Variants in DGKI observed in about 807,000 individuals in gnomAD.
DGKI encodes the protein diacylglycerol kinase iota, also known as DAG kinase iota.
In DGKI, 55 loss-of-function variants were observed where a neutral mutation model predicts 147.5. That is an observed-to-expected ratio of 0.37 (90% confidence interval 0.30 to 0.47). The LOEUF is 0.47. DGKI is among the 20% of genes least tolerant of loss of function. The probability of loss-of-function intolerance (pLI) is 1.00; values close to 1 mark genes in which losing one functional copy is unlikely to be tolerated. For missense variants in DGKI, 1,007 were observed against 1,323.8 expected (o/e 0.76, Z 3.71); for synonymous variants, 469 against 477.1 (o/e 0.98, Z 0.22).
intron 19 of DGKI, among the ~76,000 whole-genome samples, chr7:137,569,382 A>C (rs1203003565): frequency 6.6e-6 from 1 of 152,042 alleles, no homozygotes; most frequent in Non-Finnish European, 1.5e-5. Context: ...CCACGTATGG[A>C]CAGTTTAGAG....
At chr7:137,520,410 T>A (rs558242346) in intron 21 of DGKI, among the ~76,000 whole-genome samples, 2 of 152,226 alleles carry the variant, frequency 1.3e-5, no homozygotes, top group East Asian at 3.9e-4. Flanking sequence ...CAAAAATATA[T>A]GTCTAACACT....
At chr7:137,450,784 T>A (rs1025201411) in intron 27 of DGKI, among the ~76,000 whole-genome samples, 2 of 151,114 alleles carry the variant, frequency 1.3e-5, no homozygotes, top group African/African-American at 4.8e-5. Flanking sequence ...CATATCTTTA[T>A]ATATACACAT....
At chr7:137,702,360 T>A (rs2116517339) in intron 1 of DGKI, among the ~76,000 whole-genome samples, 1 of 152,254 alleles carries the variant, frequency 6.6e-6, no homozygotes, top group East Asian at 1.9e-4. Context: ...CAAGCAATAC[T>A]TCTACTTACT....
At chr7:137,395,275 G>A (rs184412152) in intron 32 of DGKI, among the ~76,000 whole-genome samples, 23 of 152,266 alleles carry the variant, frequency 1.5e-4, no homozygotes, top group African/African-American at 5.5e-4. Flanking sequence ...CTTTGAAAAT[G>A]GTCCTGACCC....
intron 14 of DGKI, among the ~76,000 whole-genome samples, chr7:137,584,715 A>G (rs561572742): frequency 6.6e-6 from 1 of 152,322 alleles, no homozygotes; most frequent in South Asian, 2.1e-4. Context: ...TTTTTTTTTA[A>G]ATAACATGAA....
At chr7:137,747,448 A>G (rs1460772211) in intron 1 of DGKI, among the ~76,000 whole-genome samples, 3 of 152,176 alleles carry the variant, frequency 2.0e-5, no homozygotes, top group Non-Finnish European at 4.4e-5. Flanking sequence ...TACCCTCTCC[A>G]TAGGGCATAA....
At chr7:137,657,458 A>G (rs1300715518) in intron 3 of DGKI, among the ~76,000 whole-genome samples, 1 of 152,250 alleles carries the variant, frequency 6.6e-6, no homozygotes. Context: ...TAAAAAATGG[A>G]CTGCATGGAG....
chr7:137,556,774 A>T (rs569863573), intron 19 of DGKI, among the ~76,000 whole-genome samples: 2 of 152,246 alleles, frequency 1.3e-5, no homozygotes, highest in Non-Finnish European at 2.9e-5. Context: ...ATGTAATTCA[A>T]ATTAAAATAA....
intron 1 of DGKI, among the ~76,000 whole-genome samples, chr7:137,796,018 A>G (rs571295947): frequency 6.6e-6 from 1 of 152,338 alleles, no homozygotes; most frequent in Non-Finnish European, 1.5e-5. Context: ...AACAAAAACA[A>G]AAAGTAAGGA....
intron 21 of DGKI, among the ~76,000 whole-genome samples, chr7:137,519,407 T>A (rs1279932156): frequency 6.6e-6 from 1 of 152,038 alleles, no homozygotes; most frequent in East Asian, 1.9e-4. Flanking sequence ...AGATATCACT[T>A]GGCACACCAT....
chr7:137,493,925 A>G (rs2128939096), intron 21 of DGKI: 1 of 598,568 alleles, frequency 1.7e-6, no homozygotes, highest in Non-Finnish European at 3.0e-6. Flanking sequence ...CAAAAATTCT[A>G]AAGAATACAA....
intron 28 of DGKI, among the ~76,000 whole-genome samples, chr7:137,427,561 T>G (rs1426049311): frequency 6.6e-6 from 1 of 151,904 alleles, no homozygotes; most frequent in African/African-American, 2.4e-5. Flanking sequence ...AGAGTAGAAC[T>G]GAAGGAAATA....
intron 1 of DGKI, among the ~76,000 whole-genome samples, chr7:137,824,636 G>A (rs1798004017): frequency 6.6e-6 from 1 of 151,994 alleles, no homozygotes; most frequent in African/African-American, 2.4e-5. Context: ...CAAGCGGTTG[G>A]TTGTACAGAT....
chr7:137,742,002 G>A (rs1325551247), intron 1 of DGKI, among the ~76,000 whole-genome samples: 1 of 152,150 alleles, frequency 6.6e-6, no homozygotes, highest in Non-Finnish European at 1.5e-5. Flanking sequence ...GAAAAGTTAT[G>A]AGTACACAGC....
chr7:137,513,755 A>G (rs1816657399), intron 21 of DGKI: 1 of 501,902 alleles, frequency 2.0e-6, no homozygotes, highest in Non-Finnish European at 3.8e-6. Flanking sequence ...ACACAATGGC[A>G]TTTGGGTATC....
intron 2 of DGKI, 54 bp downstream of exon 2, chr7:137,689,840 A>G: frequency 1.6e-6 from 2 of 1,228,982 alleles, no homozygotes; most frequent in Non-Finnish European, 2.2e-6. Flanking sequence ...CCTGAGAATG[A>G]GAGACACAAA....
chr7:137,834,153 A>T (rs1463854987), intron 1 of DGKI, among the ~76,000 whole-genome samples: 3 of 152,196 alleles, frequency 2.0e-5, no homozygotes, highest in Non-Finnish European at 2.9e-5. Flanking sequence ...CCTCATATTA[A>T]TGTTGAAGGT....
chr7:137,615,527 A>ATGTGTG (rs1247596583), intron 8 of DGKI, among the ~76,000 whole-genome samples: 15 of 137,514 alleles, frequency 1.1e-4, no homozygotes, highest in African/African-American at 3.8e-4. Context: ...GTGTATATGT[A>ATGTGTG]TGTATGTGTG....
chr7:137,544,242 T>C (rs1435268324), intron 20 of DGKI, among the ~76,000 whole-genome samples: 1 of 152,156 alleles, frequency 6.6e-6, no homozygotes, highest in Non-Finnish European at 1.5e-5. Context: ...TCATATGCAT[T>C]TCTGCTGTTA....
Sources: allele counts gnomAD v4.1 joint callset (sites outside exome capture counted in the v4.1 genomes callset), GRCh38; gene constraint gnomAD v4.1.1; transcripts MANE v1.5; gene names NCBI Gene and HGNC (gene_info 2026-07-23, HGNC 2026-07-21).